The following TBC1D3I variants were observed in gnomAD, a reference collection of about 807,000 sequenced individuals.
TBC1D3I encodes Prostate cancer gene 17 protein.
For synonymous variants in TBC1D3I, 2 were observed against 51.3 expected (o/e 0.04, Z 4.11); for missense variants, 8 against 125.3 (o/e 0.06, Z 4.47).
chr17:36,257,472 C>G (rs1178382221), intron 9 of TBC1D3I, among the ~76,000 whole-genome samples: 2 of 81,758 alleles, frequency 2.4e-5, no homozygotes, highest in African/African-American at 7.3e-5. Context: ...TGGGCTTGGT[C>G]GGCCCATTCG....
chr17:36,260,224 C>G lies in TBC1D3I; in HGVS notation c.387+5G>C. ...TCCTGTTTGTTGTGCTCTGGCTGAG[C>G]GTACCTGGTATCTTCCGGGGTTTTT... On this transcript the variant is annotated splice_donor_5th_base_variant and intron_variant, in intron 6 of 13. Coordinates refer to ENST00000621034, the Ensembl canonical transcript of TBC1D3I. 3.2e-5 allele frequency: 12 copies of G among 372,908 alleles called. 3 individuals are homozygous for G. The Admixed American group carries it at 3.4e-4, about 11-fold the overall frequency. The allele number at this position is 372,908 out of a possible 1,614,324, so 23.1% of individuals were successfully genotyped here.
At position 36,254,452 on chromosome 17, in the gene TBC1D3I, C is replaced by CT. The variant is rs2069121127; in HGVS notation, c.1151dup (p.Asp386GlyfsTer88). 2.0e-6 allele frequency: 3 copies of CT among 1,525,756 alleles called. No individual in the cohort carries two copies. Among genetic ancestry groups the CT allele is most frequent in the Non-Finnish European group, 2.6e-6 (3 of 1,135,552 alleles). 94.5% of individuals were successfully genotyped at this position (1,525,756 alleles called of 1,614,324 possible). On this transcript the variant is annotated frameshift_variant, in exon 14 of 14. Transcript: ENST00000621034. LOFTEE classifies it low-confidence loss of function (END_TRUNC). ...GGCCTGGAGGGGCCTGCCTGTCCCC[C>CT]TTGCAGAGGGTCTTCCCGCCACGTG... is the stretch of plus-strand genomic sequence containing the variant.
exon 14 of TBC1D3I, chr17:36,253,964 G>A: frequency 1.1e-6 from 1 of 949,186 alleles, no homozygotes; most frequent in Non-Finnish European, 1.5e-6. Flanking sequence ...CTAGAAGCCT[G>A]GAGGGAACTG....
At chr17:36,260,448 G>A (rs2069164456) in intron 5 of TBC1D3I, 112 bp from the exon 6 acceptor site, 1 of 213,940 alleles carries the variant, frequency 4.7e-6, no homozygotes, top group African/African-American at 1.3e-4. Flanking sequence ...CTCAGTAGAG[G>A]TGAGATCAAG....
chr17:36,254,640 T>TCGGTGTCAG, intron 13 of TBC1D3I, 118 bp from the exon 14 acceptor site: 6 of 1,118,412 alleles, frequency 5.4e-6, no homozygotes, highest in Non-Finnish European at 7.6e-6. Flanking sequence ...CCCCGTGGCC[T>TCGGTGTCAG]GACACCGAGG....
chr17:36,255,052 T>A (rs1280556411), intron 13 of TBC1D3I, among the ~76,000 whole-genome samples: 45 of 4,558 alleles, frequency 9.9e-3, no homozygotes, highest in East Asian at 0.05. Context: ...GATTCCCTTG[T>A]CTCCCTGGCT....
rs1166794524 is a variant in TBC1D3I at position 36,262,025 on chromosome 17, T to G, written c.158+641A>C. On this transcript the variant is annotated intron_variant, in intron 3 of 13. Coordinates refer to ENST00000621034, the Ensembl canonical transcript of TBC1D3I. ...TCCTGTGATCCCTGAGGGATGGGCT[T>G]CTGGCTGGGCTCCTCTTACCCGGCC... Among the ~76,000 whole-genome samples, 319 of 54,960 alleles carry G rather than the reference T, an allele frequency of 5.8e-3. 22 individuals are homozygous for G. The highest frequency in any genetic ancestry group is 0.041 in the East Asian group (102 of 2,464). The allele number at this position is 54,960 out of a possible 152,430, so 36.1% of individuals were successfully genotyped here.
downstream of TBC1D3I, chr17:36,253,838 A>ACTC: frequency 7.5e-7 from 1 of 1,335,966 alleles, no homozygotes; most frequent in Non-Finnish European, 1.0e-6. Context: ...CTCGAGCTGC[A>ACTC]CTCTTTCTTA....
chr17:36,259,985 A>C lies in TBC1D3I; in HGVS notation c.388-86T>G. 3 of 84,460 alleles carry C rather than the reference A, an allele frequency of 3.6e-5. 1 individual carries two copies. The highest frequency in any genetic ancestry group is 2.1e-4 in the South Asian group (3 of 14,436). 5.2% of individuals were successfully genotyped at this position (84,460 alleles called of 1,614,324 possible). ...CAGTGGCAGTCAGCCCACAGTCAGC[A>C]CTTCGGGAAGGAAGGACAGAAGGAA... On this transcript the variant is annotated intron_variant, in intron 6 of 13. Transcript: ENST00000621034.
At chr17:36,262,033 G>T (rs2069172441) in intron 3 of TBC1D3I, among the ~76,000 whole-genome samples, 1 of 54,946 alleles carries the variant, frequency 1.8e-5, no homozygotes, top group East Asian at 3.9e-4. Context: ...CTTCTGGCTG[G>T]GCTCCTCTTA....
At chr17:36,264,460 A>G (rs1252075938) in exon 1 of TBC1D3I, 4 of 14,426 alleles carry the variant, frequency 2.8e-4, no homozygotes, top group African/African-American at 4.2e-4. Flanking sequence ...TCTCAGGGAG[A>G]AAACCTTTGA....
intron 1 of TBC1D3I, 57 bp downstream of exon 1, chr17:36,264,358 G>A (rs1371324865): frequency 4.7e-4 from 2 of 4,260 alleles, no homozygotes; most frequent in African/African-American, 6.7e-4. Context: ...AACACCGCCC[G>A]CACCGTAGCC....
At chr17:36,257,635 GA>G (rs1469784506) in intron 9 of TBC1D3I, among the ~76,000 whole-genome samples, 193 bp downstream of exon 9, 1 of 85,948 alleles carries the variant, frequency 1.2e-5, no homozygotes, top group Non-Finnish European at 3.4e-5. Context: ...TGCTGATGGG[GA>G]TGACAGGCGT....
At chr17:36,257,437 CAG>C (rs1384661825) in intron 9 of TBC1D3I, among the ~76,000 whole-genome samples, 2 of 75,268 alleles carry the variant, frequency 2.7e-5, no homozygotes, top group African/African-American at 7.7e-5. Context: ...GGCCAGGGAA[CAG>C]GGGATGGGGA....
Position 36,254,444 on chromosome 17 carries a change from CT to C in TBC1D3I, c.1159del (p.Arg387GlyfsTer78). On this transcript the variant is annotated frameshift_variant, in exon 14 of 14. Transcript: ENST00000621034. LOFTEE classifies it low-confidence loss of function (END_TRUNC). ...GGCTGGTGGGCCTGGAGGGGCCTGC[CT>C]GTCCCCCTTGCAGAGGGTCTTCCCG... The C allele has an allele frequency of 6.6e-7, 1 of 1,524,616 alleles. No homozygotes were observed. The highest frequency in any genetic ancestry group is 8.8e-7 in the Non-Finnish European group (1 of 1,134,774). 94.4% of individuals were successfully genotyped at this position (1,524,616 alleles called of 1,614,324 possible).
chr17:36,260,201 C>T lies in TBC1D3I; in HGVS notation c.387+28G>A. On this transcript the variant is annotated intron_variant, in intron 6 of 13. Transcript: ENST00000621034. ...GACCTGGGCACCGACACGGCCTGTC[C>T]TGTTTGTTGTGCTCTGGCTGAGCGT... is the stretch of plus-strand genomic sequence containing the variant. 4 of 371,750 alleles carry T rather than the reference C, an allele frequency of 1.1e-5. 2 individuals are homozygous for T. The allele number at this position is 371,750 out of a possible 1,614,324, so 23.0% of individuals were successfully genotyped here.
Position 36,254,021 on chromosome 17 carries a change from GCACA to G in TBC1D3I, c.1579_1582del (p.Cys527LeufsTer?). On this transcript the variant is annotated frameshift_variant, in exon 14 of 14. Transcript: ENST00000621034. LOFTEE classifies it high-confidence loss of function. ...GCAGAGGCAAGGCCCTGAGGTGGGA[GCACA>G]CTGCTGTTCGTCCCTAGCTCTGAAG... 1 of 503,198 alleles carries G rather than the reference GCACA, an allele frequency of 2.0e-6. No individual in the cohort carries two copies. Among genetic ancestry groups the G allele is most frequent in the Admixed American group, 4.2e-5 (1 of 23,762 alleles). The allele number at this position is 503,198 out of a possible 1,614,324, so 31.2% of individuals were successfully genotyped here. A position where few individuals can be genotyped will look rare whatever the true frequency, so the allele number is the denominator to read the frequency against.
chr17:36,253,921 A>AT (rs1269357761), downstream of TBC1D3I: 2 of 1,392,698 alleles, frequency 1.4e-6, no homozygotes, highest in Admixed American at 2.4e-5. Context: ...GCCTAGGGAA[A>AT]TTATCCAGCC....
intron 13 of TBC1D3I, among the ~76,000 whole-genome samples, chr17:36,254,996 C>G (rs2069130795): frequency 1.0e-4 from 1 of 9,658 alleles, no homozygotes; most frequent in Non-Finnish European, 2.0e-4. Context: ...ACTCTTGGCT[C>G]TGGCTCTGGG....
Sources: allele counts gnomAD v4.1 joint callset (sites outside exome capture counted in the v4.1 genomes callset), GRCh38; gene constraint gnomAD v4.1.1; transcripts MANE v1.5; gene names NCBI Gene and HGNC (gene_info 2026-07-23, HGNC 2026-07-21).